Variants in COL8A1 observed in about 807,000 individuals in gnomAD.
The protein encoded by COL8A1 is collagen type VIII alpha 1 chain.
In COL8A1, 21 loss-of-function variants were observed where a neutral mutation model predicts 42.7. The observed-to-expected ratio is 0.49, with a 90% confidence interval of 0.35 to 0.71. The LOEUF (loss-of-function observed/expected upper bound fraction) is 0.71, where lower values mean the gene tolerates loss of function less well. Among genes scored for constraint, COL8A1 ranks in the 30% least tolerant of loss-of-function variants. The pLI is 0.01. For synonymous variants in COL8A1, 367 were observed against 369.1 expected (o/e 0.99, Z 0.06); for missense variants, 788 against 962.4 (o/e 0.82, Z 2.40).
rs534723215 is a variant in COL8A1 at position 99,727,593 on chromosome 3, G to A, written c.-128-17304G>A. Among the ~76,000 whole-genome samples the A allele has an allele frequency of 4.0e-5, 6 of 151,884 alleles. No individual in the cohort carries two copies. In the South Asian group the frequency reaches 1.2e-3, roughly 32 times the overall value. ...ATCCTTTCCCCATTGCTTGTTTTTT[G>A]TCAGGTTTGTCAAAGATCAGATGGT... On this transcript the variant is annotated intron_variant, in intron 1 of 3. Coordinates refer to ENST00000652472, the MANE Select transcript of COL8A1 (RefSeq NM_020351.4).
chr3:99,720,359 G>A (rs1325903009), intron 1 of COL8A1, among the ~76,000 whole-genome samples: 1 of 152,148 alleles, frequency 6.6e-6, no homozygotes, highest in East Asian at 1.9e-4. Context: ...GAAGGAGGTA[G>A]GTGGTAAGAT....
At chr3:99,766,623 T>G (rs1014882110) in intron 2 of COL8A1, among the ~76,000 whole-genome samples, 5 of 152,342 alleles carry the variant, frequency 3.3e-5, no homozygotes, top group Non-Finnish European at 5.9e-5. Flanking sequence ...TAATTGGACT[T>G]GACTCTCAGA....
At chr3:99,648,600 G>C (rs1180137037) in intron 1 of COL8A1, among the ~76,000 whole-genome samples, 2 of 152,026 alleles carry the variant, frequency 1.3e-5, no homozygotes, top group African/African-American at 4.8e-5. Flanking sequence ...TAATTTTTAA[G>C]GGCTAAAAGT....
intron 1 of COL8A1, among the ~76,000 whole-genome samples, chr3:99,673,678 G>C (rs1158578989): frequency 6.6e-6 from 1 of 151,778 alleles, no homozygotes; most frequent in Non-Finnish European, 1.5e-5. Flanking sequence ...TATTAGTTTT[G>C]GAGGATTTCT....
Position 99,676,957 on chromosome 3 carries a change from C to G in COL8A1, c.-129+38293C>G, listed in dbSNP as rs566036790. 2.0e-5 allele frequency among the ~76,000 whole-genome samples: 3 copies of G among 151,988 alleles called. No individual in the cohort carries two copies. The East Asian group carries it at 5.8e-4, about 29-fold the overall frequency. On this transcript the variant is annotated intron_variant, in intron 1 of 3. Coordinates refer to ENST00000652472, the MANE Select transcript of COL8A1 (RefSeq NM_020351.4). ...TTTATGCTGGGTGCAGTGGCTTACACCTGTAATGCCACCACTTTGGGAGGC... is the reference window on the plus strand; with the variant it reads ...TTTATGCTGGGTGCAGTGGCTTACAGCTGTAATGCCACCACTTTGGGAGGC...
At chr3:99,714,756 T>C (rs1939946891) in intron 1 of COL8A1, among the ~76,000 whole-genome samples, 1 of 152,064 alleles carries the variant, frequency 6.6e-6, no homozygotes, top group African/African-American at 2.4e-5. Context: ...GCTCACACTC[T>C]AGTGGAAAGA....
chr3:99,754,116 G>A (rs1941207975), intron 2 of COL8A1, among the ~76,000 whole-genome samples: 1 of 152,098 alleles, frequency 6.6e-6, no homozygotes. Flanking sequence ...CCTTCCAAAT[G>A]AAATCAGCTT....
intron 2 of COL8A1, among the ~76,000 whole-genome samples, chr3:99,755,116 A>G (rs114698303): frequency 1.3e-5 from 2 of 152,348 alleles, no homozygotes; most frequent in East Asian, 1.9e-4. Context: ...TATCAACACC[A>G]TTTGAGAAAT....
intron 1 of COL8A1, among the ~76,000 whole-genome samples, chr3:99,680,992 G>A (rs1033495429): frequency 6.6e-6 from 1 of 152,136 alleles, no homozygotes; most frequent in East Asian, 1.9e-4. Context: ...ATTAATTCAA[G>A]ATGGATTGAA....
chr3:99,700,635 A>G (rs1939510397), intron 1 of COL8A1, among the ~76,000 whole-genome samples: 2 of 152,230 alleles, frequency 1.3e-5, no homozygotes, highest in African/African-American at 4.8e-5. Flanking sequence ...TGCCAAACCC[A>G]TTTGGCTGCC....
At chr3:99,722,774 C>G (rs1272302195) in intron 1 of COL8A1, among the ~76,000 whole-genome samples, 2 of 152,094 alleles carry the variant, frequency 1.3e-5, no homozygotes, top group African/African-American at 4.8e-5. Context: ...GTGACCATCA[C>G]TATCTTGAGA....
intron 1 of COL8A1, among the ~76,000 whole-genome samples, chr3:99,743,353 T>C (rs771038474): frequency 3.9e-5 from 6 of 152,214 alleles, no homozygotes; most frequent in Non-Finnish European, 7.3e-5. Flanking sequence ...TGTCTAAATA[T>C]CTACAAGTTG....
chr3:99,641,095 G>T (rs373097174), intron 1 of COL8A1, among the ~76,000 whole-genome samples: 1 of 152,128 alleles, frequency 6.6e-6, no homozygotes, highest in East Asian at 1.9e-4. Context: ...TCCTTTTCAT[G>T]ATCAGAAAAC....
intron 1 of COL8A1, among the ~76,000 whole-genome samples, chr3:99,729,365 T>C (rs1940432603): frequency 1.3e-5 from 2 of 152,080 alleles, no homozygotes; most frequent in Admixed American, 1.3e-4. Flanking sequence ...GTTATTTAGA[T>C]CTTTTCAGTG....
At chr3:99,689,995 C>T (rs1939171620) in intron 1 of COL8A1, among the ~76,000 whole-genome samples, 1 of 152,160 alleles carries the variant, frequency 6.6e-6, no homozygotes, top group South Asian at 2.1e-4. Context: ...AGTTAAAATG[C>T]ATGCCCTTAA....
chr3:99,773,839 T>TATATATATATATATATATATATA (rs1337599964), intron 2 of COL8A1, among the ~76,000 whole-genome samples: 2 of 26,910 alleles, frequency 7.4e-5, no homozygotes, highest in East Asian at 1.7e-3. Context: ...ATATATATAT[T>TATATATATATATATATATATATA]TTTTTTTTTT....
Position 99,764,158 on chromosome 3 carries a change from C to A in COL8A1, c.-4+19137C>A, listed in dbSNP as rs185162341. ...CAAATTCTCTTAACACCTAACTGAA[C>A]TTTTTATATAGAAGCTTTGTGCATA... On this transcript the variant is annotated intron_variant, in intron 2 of 3. Transcript: ENST00000652472. 8.1e-3 allele frequency among the ~76,000 whole-genome samples: 1,239 copies of A among 152,322 alleles called. 12 individuals carry two copies. Among genetic ancestry groups the A allele is most frequent in the Non-Finnish European group, 0.014 (926 of 68,030 alleles).
chr3:99,688,530 C>A (rs1939129452), intron 1 of COL8A1, among the ~76,000 whole-genome samples: 1 of 152,130 alleles, frequency 6.6e-6, no homozygotes, highest in Non-Finnish European at 1.5e-5. Flanking sequence ...AGGATAGTCA[C>A]CCCATCTCAG....
chr3:99,756,063 T>G (rs531296859), intron 2 of COL8A1, among the ~76,000 whole-genome samples: 2 of 152,012 alleles, frequency 1.3e-5, no homozygotes, highest in African/African-American at 4.8e-5. Context: ...TCAGGATACA[T>G]TTTCATTAAA....
Sources: gnomAD v4.1 joint callset for allele counts (sites outside exome capture counted in the v4.1 genomes callset) on GRCh38, gnomAD v4.1.1 for gene constraint, MANE v1.5 for transcripts, NCBI Gene and HGNC (gene_info 2026-07-23, HGNC 2026-07-21) for gene names.